The following ZNF782 variants were observed in gnomAD, a reference collection of about 807,000 sequenced individuals.
ZNF782 encodes zinc finger protein 782.
A neutral mutation model predicts 13.0 loss-of-function variants in ZNF782; 12 were observed. The ratio of observed to expected loss-of-function variants is 0.92; its 90% CI spans 0.59 to 1.50. ZNF782 has a LOEUF of 1.50. ZNF782 is among the 40% of genes most tolerant of loss of function. The probability of loss-of-function intolerance (pLI) is 0.00; values close to 1 mark genes in which losing one functional copy is unlikely to be tolerated. For missense variants in ZNF782, 770 were observed against 822.9 expected, an observed-to-expected ratio of 0.94 and a Z score of 0.79; for synonymous variants, 284 against 283.0, an observed-to-expected ratio of 1.00 and a Z score of -0.04.
the ZNF782 span, among the ~76,000 whole-genome samples, chr9:96,901,609 TA>T: frequency 2.0e-5 from 3 of 151,986 alleles, no homozygotes; most frequent in African/African-American, 7.2e-5. Flanking sequence ...TTAAGGTTCC[TA>T]GGGCTGGTTA....
At chr9:96,880,974 A>C in the ZNF782 span, among the ~76,000 whole-genome samples, 5 of 152,044 alleles carry the variant, frequency 3.3e-5, no homozygotes, top group Non-Finnish European at 5.9e-5. Context: ...AAAACTACTT[A>C]AATTATCTAT....
intron 2 of ZNF782, among the ~76,000 whole-genome samples, chr9:96,861,300 A>G (rs932608375): frequency 4.6e-5 from 7 of 152,250 alleles, no homozygotes; most frequent in African/African-American, 1.7e-4. Flanking sequence ...CAAAGTGAAG[A>G]GACAACCCAC....
At position 96,851,992 on chromosome 9, in the gene ZNF782, C is replaced by T. The variant is rs1340591904; in HGVS notation, c.-31G>A. The T allele has an allele frequency of 6.2e-7, 1 of 1,612,436 alleles. No individual in the cohort carries two copies. The highest frequency in any genetic ancestry group is 1.3e-5 in the African/African-American group (1 of 74,848). ...GTGGCTCTTGGGAGAGTATAGAGAA[C>T]TGTAAAGCCTCAGCTGGGGGGACAG... On this transcript the variant is annotated 5_prime_UTR_variant, in exon 3 of 6. Coordinates refer to ENST00000481138, the MANE Select transcript of ZNF782 (RefSeq NM_001001662.3).
At chr9:96,925,110 G>A in the ZNF782 span, among the ~76,000 whole-genome samples, 4 of 152,144 alleles carry the variant, frequency 2.6e-5, no homozygotes, top group East Asian at 3.9e-4. Context: ...GCGCTGCGTC[G>A]TCTCCCTGCC....
chr9:96,869,523 G>A (rs1040945222), intron 1 of ZNF782, among the ~76,000 whole-genome samples: 4 of 152,192 alleles, frequency 2.6e-5, no homozygotes, highest in Admixed American at 6.5e-5. Context: ...TAAGCCAAGA[G>A]ACCTGCACTT....
chr9:96,933,046 C>T, the ZNF782 span, among the ~76,000 whole-genome samples: 7 of 146,830 alleles, frequency 4.8e-5, no homozygotes, highest in East Asian at 2.1e-4. Flanking sequence ...GGCGTGATCT[C>T]GGCTCACTGC....
chr9:96,846,646 C>T (rs1851347600), intron 3 of ZNF782, among the ~76,000 whole-genome samples: 1 of 152,114 alleles, frequency 6.6e-6, no homozygotes, highest in African/African-American at 2.4e-5. Context: ...GAAGATATTA[C>T]AATCCCAAAT....
rs995456139 is a variant in ZNF782, at chr9:96,854,140, G to A, written c.-314C>T. ...GGTCTCGATGCAGACCCACCGTCCG[G>A]GGATTTCGGGCACGTTGTCGCCCGC... On this transcript the variant is annotated 5_prime_UTR_variant, in exon 1 of 6. Coordinates refer to ENST00000481138, the MANE Select transcript of ZNF782 (RefSeq NM_001001662.3). 2.6e-5 allele frequency: 4 copies of A among 152,184 alleles called. No individual in the cohort carries two copies. The highest frequency in any genetic ancestry group is 9.7e-5 in the African/African-American group (4 of 41,436). The allele number at this position is 152,184 out of a possible 1,614,324, so 9.4% of individuals were successfully genotyped here. A position where few individuals can be genotyped will look rare whatever the true frequency, so the allele number is the denominator to read the frequency against.
chr9:96,889,153 C>T, the ZNF782 span: 1 of 152,230 alleles, frequency 6.6e-6, no homozygotes, highest in African/African-American at 2.4e-5. Flanking sequence ...TACATTACTC[C>T]TCCTGCCATG....
At chr9:96,926,509 G>C in the ZNF782 span, among the ~76,000 whole-genome samples, 3 of 151,982 alleles carry the variant, frequency 2.0e-5, no homozygotes, top group African/African-American at 7.2e-5. Flanking sequence ...GCTCTGTCTC[G>C]GAGGACAAAA....
intron 3 of ZNF782, among the ~76,000 whole-genome samples, chr9:96,846,011 A>C (rs1281084160): frequency 6.6e-6 from 1 of 152,196 alleles, no homozygotes; most frequent in Non-Finnish European, 1.5e-5. Context: ...TCTCAGCAGA[A>C]ACCTCACAAG....
chr9:96,864,076 T>C (rs1427466642), intron 1 of ZNF782, among the ~76,000 whole-genome samples: 1 of 149,852 alleles, frequency 6.7e-6, no homozygotes, highest in East Asian at 1.9e-4. Context: ...TACACATACA[T>C]ACACACACAT....
chr9:96,879,527 T>C (rs1192741657), upstream of ZNF782, among the ~76,000 whole-genome samples: 1 of 151,780 alleles, frequency 6.6e-6, no homozygotes, highest in Non-Finnish European at 1.5e-5. Flanking sequence ...AAAGAAACAA[T>C]GGGACACTTA....
intron 1 of ZNF782, among the ~76,000 whole-genome samples, chr9:96,864,629 G>A (rs1308004711): frequency 1.3e-5 from 2 of 152,032 alleles, no homozygotes; most frequent in African/African-American, 4.8e-5. Flanking sequence ...GAAACCAAAT[G>A]TGTTGTTCAG....
At chr9:96,879,060 C>G (rs1225071109), upstream of ZNF782, among the ~76,000 whole-genome samples, 2 of 152,136 alleles carry the variant, frequency 1.3e-5, no homozygotes, top group Admixed American at 1.3e-4. Flanking sequence ...AGAAAGTGGT[C>G]CAAACATATA....
the ZNF782 span, among the ~76,000 whole-genome samples, chr9:96,901,584 T>G: frequency 1.3e-5 from 2 of 151,952 alleles, no homozygotes; most frequent in Admixed American, 6.6e-5. Flanking sequence ...ATAAAAAAAC[T>G]TTATGGAAGG....
chr9:96,891,353 A>G, the ZNF782 span: 1 of 152,178 alleles, frequency 6.6e-6, no homozygotes, highest in African/African-American at 2.4e-5. Flanking sequence ...TAAATACTTT[A>G]GCATGCGTAT....
In ZNF782 at chr9:96,850,892, A is replaced by G. The variant is rs1192609464; in HGVS notation, c.15+1055T>C. 6.6e-6 allele frequency among the ~76,000 whole-genome samples: 1 copy of G among 152,224 alleles called. No individual in the cohort carries two copies. Among genetic ancestry groups the G allele is most frequent in the Non-Finnish European group, 1.5e-5 (1 of 68,026 alleles). ...TCTTTCCAGTTTTAGTAAACATACAATATTATGAAAACTTTTGCATCTTAA... is the reference window on the plus strand; with the variant it reads ...TCTTTCCAGTTTTAGTAAACATACAGTATTATGAAAACTTTTGCATCTTAA... On this transcript the variant is annotated intron_variant, in intron 3 of 5. Coordinates refer to ENST00000481138, the MANE Select transcript of ZNF782 (RefSeq NM_001001662.3). This position sits in a 1 kb window ranked among gnomAD's most constrained non-coding sequence, Gnocchi z 4.3.
chr9:96,925,258 G>T, the ZNF782 span, among the ~76,000 whole-genome samples: 2 of 151,962 alleles, frequency 1.3e-5, no homozygotes, highest in African/African-American at 2.4e-5. Flanking sequence ...CAGGAGATGG[G>T]GAAATGGAGG....
Sources: gnomAD v4.1 joint callset for allele counts (sites outside exome capture counted in the v4.1 genomes callset) on GRCh38, gnomAD v4.1.1 for gene constraint, Gnocchi (gnomAD v3.1) non-coding constraint, MANE v1.5 for transcripts, NCBI Gene and HGNC (gene_info 2026-07-23, HGNC 2026-07-21) for gene names.